CNTNAP2: variants seen among roughly 807,000 people sequenced by gnomAD.
The protein encoded by CNTNAP2 is contactin-associated protein-like 2.
Under a neutral mutation model 155.2 loss-of-function variants are expected in CNTNAP2, and 98 were observed. The ratio of observed to expected loss-of-function variants is 0.63; its 90% CI spans 0.54 to 0.75. The LOEUF is 0.75. Among genes scored for constraint, CNTNAP2 ranks in the 30% least tolerant of loss-of-function variants. CNTNAP2 has a pLI of 0.00. For missense variants in CNTNAP2, 1,727 were observed against 1,688.1 expected, an observed-to-expected ratio of 1.02 and a Z score of -0.40; for synonymous variants, 651 against 631.2, an observed-to-expected ratio of 1.03 and a Z score of -0.47.
intron 10 of CNTNAP2, among the ~76,000 whole-genome samples, chr7:147,458,055 G>A (rs148736296): frequency 6.6e-6 from 1 of 152,016 alleles, no homozygotes; most frequent in Admixed American, 6.5e-5. Flanking sequence ...TAGGAAAGAG[G>A]TCATCACTTT....
intron 15 of CNTNAP2, among the ~76,000 whole-genome samples, chr7:148,111,230 C>T (rs1396902965): frequency 6.6e-6 from 1 of 152,036 alleles, no homozygotes; most frequent in African/African-American, 2.4e-5. Flanking sequence ...AACTCACAAT[C>T]CAGGGTAGGG....
intron 1 of CNTNAP2, among the ~76,000 whole-genome samples, chr7:146,642,110 T>C (rs1799718410): frequency 6.6e-6 from 1 of 150,630 alleles, no homozygotes; most frequent in Admixed American, 6.9e-5. Flanking sequence ...AGACAAATTT[T>C]GTTTTGTTTT....
intron 8 of CNTNAP2, among the ~76,000 whole-genome samples, chr7:147,264,574 T>C (rs1276443400): frequency 1.3e-5 from 2 of 150,664 alleles, no homozygotes; most frequent in Non-Finnish European, 3.0e-5. Flanking sequence ...AACCCTCTGA[T>C]GGAGCTGCTC....
At chr7:148,050,496 G>A (rs1802868062) in intron 15 of CNTNAP2, among the ~76,000 whole-genome samples, 1 of 152,176 alleles carries the variant, frequency 6.6e-6, no homozygotes, top group Non-Finnish European at 1.5e-5. Flanking sequence ...GTTTTAAGCT[G>A]TGTTATCACA....
chr7:146,403,845 A>T (rs56678911), intron 1 of CNTNAP2, among the ~76,000 whole-genome samples: 4,410 of 152,242 alleles, frequency 0.029, 186 homozygotes, highest in African/African-American at 0.099. Flanking sequence ...GTGTACTGAG[A>T]TTCAGTCAGA....
chr7:147,905,826 G>A (rs1243106177), intron 14 of CNTNAP2, among the ~76,000 whole-genome samples: 1 of 152,082 alleles, frequency 6.6e-6, no homozygotes, highest in Non-Finnish European at 1.5e-5. Context: ...GGAGCTTGCA[G>A]TGAGCCAAGA....
At chr7:146,353,811 C>G (rs915297786) in intron 1 of CNTNAP2, among the ~76,000 whole-genome samples, 2 of 151,790 alleles carry the variant, frequency 1.3e-5, no homozygotes, top group Admixed American at 1.3e-4. Flanking sequence ...ATAATAAACT[C>G]CTCTGTAGGA....
chr7:146,750,007 C>G (rs992297910), intron 1 of CNTNAP2, among the ~76,000 whole-genome samples: 2 of 152,100 alleles, frequency 1.3e-5, no homozygotes, highest in Non-Finnish European at 2.9e-5. Flanking sequence ...TATTTTCTCA[C>G]ATAGACTCCC....
At chr7:146,213,534 G>A (rs1267883102) in intron 1 of CNTNAP2, among the ~76,000 whole-genome samples, 79 of 152,018 alleles carry the variant, frequency 5.2e-4, no homozygotes, top group Admixed American at 5.2e-3. Context: ...TTGTATGTTG[G>A]GCAACTCAAG....
intron 1 of CNTNAP2, among the ~76,000 whole-genome samples, chr7:146,459,467 G>A (rs1796605533): frequency 6.6e-6 from 1 of 152,168 alleles, no homozygotes; most frequent in African/African-American, 2.4e-5. Flanking sequence ...CAAATTGCAT[G>A]TAGCTCAGGT....
intron 1 of CNTNAP2, among the ~76,000 whole-genome samples, chr7:146,322,634 C>CTCTTTTTTTTTTTTTTTTTTTTTTT (rs748751758): frequency 1.5e-5 from 1 of 64,964 alleles, no homozygotes. Context: ...TGTTCATTCT[C>CTCTTTTTTTTTTTTTTTTTTTTTTT]TTTTTTTTTT....
chr7:147,271,260 T>C (rs1484576901), intron 8 of CNTNAP2, among the ~76,000 whole-genome samples: 1 of 152,194 alleles, frequency 6.6e-6, no homozygotes, highest in African/African-American at 2.4e-5. Context: ...GTGTAGTTTT[T>C]TCCTCTCTCC....
At chr7:147,328,482 G>T (rs569390926) in intron 9 of CNTNAP2, among the ~76,000 whole-genome samples, 1 of 152,196 alleles carries the variant, frequency 6.6e-6, no homozygotes, top group Non-Finnish European at 1.5e-5. Flanking sequence ...AGCCACATGT[G>T]TGCAAGGACT....
chr7:146,786,456 T>G (rs1362391693), intron 2 of CNTNAP2, among the ~76,000 whole-genome samples: 2 of 152,186 alleles, frequency 1.3e-5, no homozygotes, highest in Non-Finnish European at 2.9e-5. Context: ...ATGCATGCCT[T>G]GCAAAAGTAA....
At chr7:146,984,033 G>A (rs1798069151) in intron 3 of CNTNAP2, among the ~76,000 whole-genome samples, 1 of 152,046 alleles carries the variant, frequency 6.6e-6, no homozygotes, top group South Asian at 2.1e-4. Flanking sequence ...CAGACCTACT[G>A]CCCTTCTTGT....
At chr7:147,262,632 G>A (rs1253722770) in intron 8 of CNTNAP2, among the ~76,000 whole-genome samples, 1 of 152,108 alleles carries the variant, frequency 6.6e-6, no homozygotes, top group Non-Finnish European at 1.5e-5. Context: ...GTGAAACCCC[G>A]TCTCCACTAA....
At chr7:147,543,305 G>A (rs920556548) in intron 11 of CNTNAP2, among the ~76,000 whole-genome samples, 1 of 152,176 alleles carries the variant, frequency 6.6e-6, no homozygotes, top group African/African-American at 2.4e-5. Context: ...GCCTTTAAGC[G>A]GTTTTCTGCC....
rs185822534 is a variant in CNTNAP2 at position 148,069,528 on chromosome 7, C to T, written c.2384-48590C>T. On this transcript the variant is annotated intron_variant, in intron 15 of 23. Transcript: ENST00000361727. ...CTGTAATTCCAGCACTTTGGGAGGC[C>T]GAGGCAGGCGGATCACGAGGTCAGG... Among the ~76,000 whole-genome samples, 1,311 of 151,958 alleles carry T rather than the reference C, an allele frequency of 8.6e-3. 18 individuals are homozygous for T. The highest frequency in any genetic ancestry group is 0.026 in the South Asian group (127 of 4,810).
chr7:146,653,349 G>A (rs529934654), intron 1 of CNTNAP2, among the ~76,000 whole-genome samples: 1 of 151,920 alleles, frequency 6.6e-6, no homozygotes, highest in African/African-American at 2.4e-5. Flanking sequence ...GGGCCTTTGC[G>A]GTGTGTCAAA....
Sources: allele counts gnomAD v4.1 joint callset (sites outside exome capture counted in the v4.1 genomes callset), GRCh38; gene constraint gnomAD v4.1.1; transcripts MANE v1.5; gene names NCBI Gene and HGNC (gene_info 2026-07-23, HGNC 2026-07-21).